Variants in SCFD2 observed in about 807,000 individuals in gnomAD.
SCFD2 encodes sec1 family domain containing 2.
SCFD2 carries 54 observed loss-of-function variants against 58.9 expected under a neutral mutation model. The observed-to-expected ratio is 0.92, with a 90% CI of 0.74 to 1.15. The LOEUF (loss-of-function observed/expected upper bound fraction) is 1.15, where lower values mean the gene tolerates loss of function less well. Among genes scored for constraint, SCFD2 ranks in the 50% most tolerant of loss-of-function variants. The pLI is 0.00. For synonymous variants in SCFD2, 321 were observed against 335.9 expected (o/e 0.96, Z 0.49); for missense variants, 805 against 836.6 (o/e 0.96, Z 0.47).
intron 5 of SCFD2, among the ~76,000 whole-genome samples, chr4:53,104,719 C>T (rs1724935276): frequency 6.6e-6 from 1 of 152,130 alleles, no homozygotes; most frequent in African/African-American, 2.4e-5. Context: ...TTTATTTAAA[C>T]TAAAAACAAA....
intron 5 of SCFD2, chr4:52,948,916 A>G (rs1720513559): frequency 6.1e-6 from 1 of 163,082 alleles, no homozygotes; most frequent in Admixed American, 6.3e-5. Flanking sequence ...AATTAAAAGC[A>G]GGCATCTTAA....
intron 4 of SCFD2, among the ~76,000 whole-genome samples, chr4:53,149,658 T>C (rs528698434): frequency 6.6e-6 from 1 of 152,322 alleles, no homozygotes; most frequent in South Asian, 2.1e-4. Context: ...AGGTGTATCT[T>C]TACCTTAGCA....
chr4:53,115,147 C>T (rs1033320930), intron 5 of SCFD2, among the ~76,000 whole-genome samples: 2 of 151,946 alleles, frequency 1.3e-5, no homozygotes, highest in Admixed American at 1.3e-4. Context: ...TCAATAGTTA[C>T]AATAAATGTA....
chr4:53,324,194 A>G (rs1560446894), intron 2 of SCFD2, among the ~76,000 whole-genome samples: 4 of 152,112 alleles, frequency 2.6e-5, no homozygotes, highest in Admixed American at 6.6e-5. Flanking sequence ...AGGCAGGAGG[A>G]TCGCTTGAGG....
chr4:53,149,111 T>C (rs897314661), intron 4 of SCFD2, among the ~76,000 whole-genome samples: 7 of 152,236 alleles, frequency 4.6e-5, no homozygotes, highest in African/African-American at 1.7e-4. Context: ...GATACATGTA[T>C]TTCCTACTCT....
At chr4:53,107,143 G>A (rs1207968369) in intron 5 of SCFD2, among the ~76,000 whole-genome samples, 6 of 152,106 alleles carry the variant, frequency 3.9e-5, no homozygotes, top group Non-Finnish European at 8.8e-5. Flanking sequence ...ATAAGCACAG[G>A]AGAAATAAAA....
chr4:52,984,928 T>C (rs1035231180), intron 5 of SCFD2, among the ~76,000 whole-genome samples: 8 of 152,228 alleles, frequency 5.3e-5, no homozygotes, highest in African/African-American at 1.9e-4. Flanking sequence ...TTTTATAAGC[T>C]AAAGTGTGAA....
chr4:53,203,029 G>T (rs1577836465), intron 4 of SCFD2, among the ~76,000 whole-genome samples: 1 of 152,088 alleles, frequency 6.6e-6, no homozygotes, highest in East Asian at 1.9e-4. Flanking sequence ...TCCTTCTCCT[G>T]CCTGATTGCC....
At chr4:53,041,925 T>C (rs1722910173) in intron 5 of SCFD2, among the ~76,000 whole-genome samples, 2 of 152,282 alleles carry the variant, frequency 1.3e-5, no homozygotes, top group Admixed American at 1.3e-4. Flanking sequence ...TTTTCAGTAG[T>C]GACAGCATGG....
At chr4:53,142,665 T>TA (rs570487305) in intron 5 of SCFD2, among the ~76,000 whole-genome samples, 65 of 152,344 alleles carry the variant, frequency 4.3e-4, no homozygotes, top group South Asian at 2.7e-3. Flanking sequence ...ACTGCCCCAA[T>TA]ACTATGTTTT....
intron 7 of SCFD2, among the ~76,000 whole-genome samples, chr4:52,887,659 G>A (rs1017632852): frequency 2.6e-5 from 4 of 152,150 alleles, no homozygotes; most frequent in African/African-American, 7.2e-5. Context: ...CTGCCTGCGT[G>A]GCCACCAAAG....
chr4:53,105,261 G>C lies in SCFD2; in HGVS notation c.1561+40072C>G, dbSNP rs182333362. ...GTTTCAAGCACAAAACTGCGCGGCC[G>C]TTTGGGCAGACACCGAGCTAGCTTT... On this transcript the variant is annotated intron_variant, in intron 5 of 8. Coordinates refer to ENST00000401642, the MANE Select transcript of SCFD2 (RefSeq NM_152540.4). 6.2e-4 allele frequency among the ~76,000 whole-genome samples: 94 copies of C among 152,102 alleles called. 2 individuals carry two copies. In the East Asian group the frequency reaches 0.013, roughly 21 times the overall value.
chr4:53,240,721 G>C (rs1304064595), intron 4 of SCFD2, among the ~76,000 whole-genome samples: 3 of 152,216 alleles, frequency 2.0e-5, no homozygotes, highest in Non-Finnish European at 4.4e-5. Flanking sequence ...AACAAGTTAA[G>C]AAATAAAGCA....
At chr4:53,217,056 T>C (rs1728867023) in intron 4 of SCFD2, among the ~76,000 whole-genome samples, 1 of 152,202 alleles carries the variant, frequency 6.6e-6, no homozygotes, top group Middle Eastern at 3.2e-3. Flanking sequence ...GAGGAGTGCT[T>C]TACTTCCAGC....
At chr4:53,221,938 T>C (rs1729058813) in intron 4 of SCFD2, among the ~76,000 whole-genome samples, 1 of 152,168 alleles carries the variant, frequency 6.6e-6, no homozygotes, top group Non-Finnish European at 1.5e-5. Flanking sequence ...TAGCAACACA[T>C]AGGACTGATT....
chr4:53,004,637 T>C lies in SCFD2; in HGVS notation c.1562-83767A>G, dbSNP rs1721933373. On this transcript the variant is annotated intron_variant, in intron 5 of 8. Coordinates refer to ENST00000401642, the MANE Select transcript of SCFD2 (RefSeq NM_152540.4). ...AGTTAGAATTTGAAAGCATTGATTA[T>C]GTGCCAAGTGTGGCTGGGGACAGAT... 2.6e-5 allele frequency among the ~76,000 whole-genome samples: 4 copies of C among 152,188 alleles called. No homozygotes were observed. The South Asian group carries it at 8.3e-4, about 32-fold the overall frequency.
intron 7 of SCFD2, among the ~76,000 whole-genome samples, chr4:52,899,246 G>C (rs528912643): frequency 6.6e-6 from 1 of 152,122 alleles, no homozygotes; most frequent in African/African-American, 2.4e-5. Context: ...TCCTAGCCTC[G>C]ATAGTCTTTA....
chr4:52,936,519 G>A (rs779384122), intron 5 of SCFD2, among the ~76,000 whole-genome samples: 12 of 152,182 alleles, frequency 7.9e-5, no homozygotes, highest in Non-Finnish European at 1.3e-4. Flanking sequence ...GTCAATGAGT[G>A]TCTTAGTAAT....
intron 5 of SCFD2, among the ~76,000 whole-genome samples, chr4:53,002,813 T>C (rs1371344008): frequency 1.3e-5 from 2 of 152,188 alleles, no homozygotes; most frequent in East Asian, 1.9e-4. Context: ...AGAGGTTTAA[T>C]TGGCTCATGG....
Sources: allele counts gnomAD v4.1 joint callset (sites outside exome capture counted in the v4.1 genomes callset), GRCh38; gene constraint gnomAD v4.1.1; transcripts MANE v1.5; gene names NCBI Gene and HGNC (gene_info 2026-07-23, HGNC 2026-07-21).